PARG: variants seen among roughly 807,000 people sequenced by gnomAD.
PARG encodes poly(ADP-ribose) glycohydrolase.
Under a neutral mutation model 113.0 loss-of-function variants are expected in PARG, and 35 were observed. That is an observed-to-expected ratio of 0.31 (90% confidence interval 0.24 to 0.41). The LOEUF (loss-of-function observed/expected upper bound fraction) is 0.41. Among genes scored for constraint, PARG ranks in the 10% least tolerant of loss-of-function variants. The probability of loss-of-function intolerance (pLI) is 1.00; values close to 1 mark genes in which losing one functional copy is unlikely to be tolerated. For missense variants in PARG, 797 were observed against 1,169.4 expected, an observed-to-expected ratio of 0.68 and a Z score of 4.64; for synonymous variants, 330 against 409.9, an observed-to-expected ratio of 0.81 and a Z score of 2.36.
At chr10:49,862,914 T>C (rs1846323533) in intron 11 of PARG, among the ~76,000 whole-genome samples, 1 of 148,902 alleles carries the variant, frequency 6.7e-6, no homozygotes, top group Admixed American at 6.7e-5. Flanking sequence ...ACTAAAAAGA[T>C]AAAGAAGCAT....
At position 49,874,856 on chromosome 10, in the gene PARG, AAAAAACAAAAAC is replaced by A. The variant is rs1213378475; in HGVS notation, c.1988+4805_1988+4816del. ...TCGACAGAGCGAGACTCTGTCCCAA[AAAAAACAAAAAC>A]AAAAACAAAAAAGATATATATATGA... On this transcript the variant is annotated intron_variant, in intron 9 of 17. Coordinates refer to ENST00000616448, the MANE Select transcript of PARG (RefSeq NM_003631.5). Among the ~76,000 whole-genome samples the A allele has an allele frequency of 1.5e-5, 2 of 132,886 alleles. 1 individual carries two copies. Among genetic ancestry groups the A allele is most frequent in the Non-Finnish European group, 3.4e-5 (2 of 59,514 alleles). The allele number at this position is 132,886 out of a possible 152,430, so 87.2% of individuals were successfully genotyped here. A position where few individuals can be genotyped will look rare whatever the true frequency, so the allele number is the denominator to read the frequency against.
chr10:49,934,925 G>C, intron 2 of PARG, 151 bp downstream of exon 2: 3 of 610,058 alleles, frequency 4.9e-6, no homozygotes, highest in Non-Finnish European at 8.9e-6. Flanking sequence ...TGGCATACAG[G>C]ACTCTCTAAA....
At chr10:49,914,246 C>T (rs535787825) in intron 7 of PARG, among the ~76,000 whole-genome samples, 1 of 152,306 alleles carries the variant, frequency 6.6e-6, no homozygotes, top group African/African-American at 2.4e-5. Flanking sequence ...ACCATCATGT[C>T]CAATTTAAGC....
In PARG at chr10:49,857,579, T is replaced by C. The variant is rs1358306304; in HGVS notation, c.2206-126A>G. On this transcript the variant is annotated intron_variant, in intron 12 of 17. Coordinates refer to ENST00000616448, the MANE Select transcript of PARG (RefSeq NM_003631.5). Reference sequence around the variant, plus strand: ...AAAATCAATCCCCAAATAAGTAATCTTCCCAGGAAGGGCAGATTTTGGTTG... The same window carrying C: ...AAAATCAATCCCCAAATAAGTAATCCTCCCAGGAAGGGCAGATTTTGGTTG... 6.7e-6 allele frequency: 4 copies of C among 593,942 alleles called. No homozygotes were observed. The African/African-American group carries it at 7.7e-5, about 11-fold the overall frequency. 36.8% of individuals were successfully genotyped at this position (593,942 alleles called of 1,614,324 possible).
At chr10:49,819,846 G>A (rs1030325448) in intron 17 of PARG, among the ~76,000 whole-genome samples, 10 of 152,078 alleles carry the variant, frequency 6.6e-5, no homozygotes, top group African/African-American at 2.4e-4. Flanking sequence ...AGGACAGTGG[G>A]GCTTCTCAGA....
At position 49,886,392 on chromosome 10, in the gene PARG, C is replaced by A. The variant is rs567689926; in HGVS notation, c.1738-1097G>T. 2.0e-5 allele frequency among the ~76,000 whole-genome samples: 3 copies of A among 152,308 alleles called. No individual in the cohort carries two copies. The South Asian group carries it at 6.2e-4, about 32-fold the overall frequency. Reference sequence around the variant, plus strand: ...GAAAAAGTAACAAAGAATATTTGCCCTGATTTTGCCAGTAAATTCTAACAC... The same window carrying A: ...GAAAAAGTAACAAAGAATATTTGCCATGATTTTGCCAGTAAATTCTAACAC... On this transcript the variant is annotated intron_variant, in intron 7 of 17. Transcript: ENST00000616448.
intron 3 of PARG, among the ~76,000 whole-genome samples, 194 bp downstream of exon 3, chr10:49,932,978 ATTTAT>A (rs1392444010): frequency 2.6e-5 from 4 of 152,188 alleles, no homozygotes; most frequent in East Asian, 1.9e-4. Flanking sequence ...GATTTCTAAT[ATTTAT>A]TTTATTTCTT....
intron 15 of PARG, among the ~76,000 whole-genome samples, chr10:49,834,347 T>C (rs1176449315): frequency 3.3e-5 from 5 of 152,240 alleles, no homozygotes; most frequent in Admixed American, 3.3e-4. Flanking sequence ...TCCTAGTTCA[T>C]TTCTCTGTTT....
intron 15 of PARG, among the ~76,000 whole-genome samples, chr10:49,841,315 A>G (rs1554832258): frequency 2.0e-5 from 3 of 152,198 alleles, no homozygotes; most frequent in African/African-American, 7.2e-5. Context: ...CGAGGAACTA[A>G]AAAGAAAATC....
chr10:49,825,765 G>A (rs1445774566), intron 16 of PARG, among the ~76,000 whole-genome samples: 1 of 152,136 alleles, frequency 6.6e-6, no homozygotes, highest in Non-Finnish European at 1.5e-5. Flanking sequence ...ATAAATGGAA[G>A]GGTAACTGTG....
At chr10:49,865,941 C>T (rs1256660653) in intron 10 of PARG, among the ~76,000 whole-genome samples, 2 of 150,100 alleles carry the variant, frequency 1.3e-5, no homozygotes, top group East Asian at 3.9e-4. Flanking sequence ...AAGTCTCAGG[C>T]TTAAATAGTG....
chr10:49,941,777 T>C lies in PARG; in HGVS notation c.-52A>G. ...GGGCCGGCCCGGGCGGAGAGCCTCA[T>C]TCACTAACCCTGAGAGAGATGGACT... is the stretch of plus-strand genomic sequence containing the variant. On this transcript the variant is annotated 5_prime_UTR_variant, in exon 1 of 18. It removes an upstream start codon present in the reference 5' UTR. Coordinates refer to ENST00000616448, the MANE Select transcript of PARG (RefSeq NM_003631.5). The C allele has an allele frequency of 2.6e-6, 4 of 1,540,186 alleles. No homozygotes were observed. Among genetic ancestry groups the C allele is most frequent in the Non-Finnish European group, 3.5e-6 (4 of 1,147,120 alleles).
At chr10:49,888,558 C>T (rs1191986293) in intron 7 of PARG, among the ~76,000 whole-genome samples, 2 of 152,156 alleles carry the variant, frequency 1.3e-5, no homozygotes, top group Non-Finnish European at 2.9e-5. Flanking sequence ...TCTTTCTGGT[C>T]TCCATGTTTG....
intron 4 of PARG, among the ~76,000 whole-genome samples, chr10:49,927,580 A>G (rs1554850966): frequency 6.6e-6 from 1 of 152,132 alleles, no homozygotes; most frequent in African/African-American, 2.4e-5. Flanking sequence ...TAAAAGGAAA[A>G]TAAGAATTGG....
Position 49,828,046 on chromosome 10 carries a change from C to T in PARG, c.2647+4757G>A, listed in dbSNP as rs571491494. On this transcript the variant is annotated intron_variant, in intron 16 of 17. Transcript: ENST00000616448. ...CTGGTGGTACATTTGAGGCAGAAGC[C>T]CCCCACGCAAAAATCTCTGCTGAGA... Among the ~76,000 whole-genome samples the T allele has an allele frequency of 2.1e-5, 3 of 143,492 alleles. No individual in the cohort carries two copies. The East Asian group carries it at 6.2e-4, about 29-fold the overall frequency. The allele number at this position is 143,492 out of a possible 152,430, so 94.1% of individuals were successfully genotyped here. A position where few individuals can be genotyped will look rare whatever the true frequency, so the allele number is the denominator to read the frequency against.
Position 49,929,214 on chromosome 10 carries a change from AG to A in PARG, c.1455+2885del, listed in dbSNP as rs1299363348. On this transcript the variant is annotated intron_variant, in intron 4 of 17. Coordinates refer to ENST00000616448, the MANE Select transcript of PARG (RefSeq NM_003631.5). ...TGGGAGGGTGGGAGAGAGGAGGAAG[AG>A]AAAAAGCTAAAATATCACTTAACAC... 5.5e-3 allele frequency among the ~76,000 whole-genome samples: 824 copies of A among 150,824 alleles called. 4 individuals are homozygous for A. Among genetic ancestry groups the A allele is most frequent in the African/African-American group, 0.019 (777 of 40,872 alleles).
At chr10:49,823,118 T>C (rs1455733452) in intron 16 of PARG, among the ~76,000 whole-genome samples, 2 of 152,128 alleles carry the variant, frequency 1.3e-5, no homozygotes, top group Non-Finnish European at 2.9e-5. Flanking sequence ...CTATAATGTG[T>C]TTATATAAGA....
chr10:49,905,107 C>T (rs1419838581), intron 7 of PARG, among the ~76,000 whole-genome samples: 53 of 152,368 alleles, frequency 3.5e-4, no homozygotes, highest in Admixed American at 1.6e-3. Flanking sequence ...TGGAATAAGA[C>T]GAGCTTTTCC....
chr10:49,819,291 C>T lies in PARG; in HGVS notation c.*49G>A. Reference sequence around the variant, plus strand: ...CATATATTACACCTGACAGCTCAAACAGGACGTCTCTGGTGGGAGGTGGGA... The same window carrying T: ...CATATATTACACCTGACAGCTCAAATAGGACGTCTCTGGTGGGAGGTGGGA... On this transcript the variant is annotated 3_prime_UTR_variant, in exon 18 of 18. Coordinates refer to ENST00000616448, the MANE Select transcript of PARG (RefSeq NM_003631.5). 2 of 1,475,540 alleles carry T rather than the reference C, an allele frequency of 1.4e-6. No individual in the cohort carries two copies. The highest frequency in any genetic ancestry group is 1.8e-6 in the Non-Finnish European group (2 of 1,088,512). The allele number at this position is 1,475,540 out of a possible 1,614,324, so 91.4% of individuals were successfully genotyped here. A position where few individuals can be genotyped will look rare whatever the true frequency, so the allele number is the denominator to read the frequency against.
Sources: gnomAD v4.1 joint callset for allele counts (sites outside exome capture counted in the v4.1 genomes callset) on GRCh38, gnomAD v4.1.1 for gene constraint, MANE v1.5 for transcripts, NCBI Gene and HGNC (gene_info 2026-07-23, HGNC 2026-07-21) for gene names.